RIPOR3: variants seen among roughly 807,000 people sequenced by gnomAD.
The protein encoded by RIPOR3 is RIPOR family member 3.
A neutral mutation model predicts 114.3 loss-of-function variants in RIPOR3; 95 were observed. The observed-to-expected ratio is 0.83, with a 90% CI of 0.70 to 0.99. The LOEUF is 0.99. Ranked by LOEUF, RIPOR3 falls within the 50% of genes least tolerant of loss-of-function variation. The pLI is 0.00. For missense variants in RIPOR3, 1,252 were observed against 1,266.9 expected, an observed-to-expected ratio of 0.99 and a Z score of 0.18; for synonymous variants, 575 against 543.8, an observed-to-expected ratio of 1.06 and a Z score of -0.80.
chr20:50,607,600 C>T (rs970712242), intron 11 of RIPOR3, among the ~76,000 whole-genome samples: 3 of 152,126 alleles, frequency 2.0e-5, no homozygotes, highest in African/African-American at 4.8e-5. Flanking sequence ...CTGAGCTGCC[C>T]GCCACCCTGT....
Position 50,587,044 on chromosome 20 carries a change from T to C in RIPOR3, c.*188A>G. ...ATGCTGTACCTTTGCCTTGCTTTTT[T>C]CTGCCTCTGTACAAAAGACCAGCCC... On this transcript the variant is annotated 3_prime_UTR_variant, in exon 22 of 22. Transcript: ENST00000327979. The C allele has an allele frequency of 1.7e-6, 1 of 585,790 alleles. No individual in the cohort carries two copies. The highest frequency in any genetic ancestry group is 3.0e-6 in the Non-Finnish European group (1 of 328,506). The allele number at this position is 585,790 out of a possible 1,614,324, so 36.3% of individuals were successfully genotyped here. A position where few individuals can be genotyped will look rare whatever the true frequency, so the allele number is the denominator to read the frequency against.
chr20:50,683,077 G>T (rs2086910547), intron 1 of RIPOR3, among the ~76,000 whole-genome samples: 1 of 152,160 alleles, frequency 6.6e-6, no homozygotes, highest in Non-Finnish European at 1.5e-5. Flanking sequence ...AAATGTTCTG[G>T]AAATGGATGG....
chr20:50,615,300 G>A (rs1379425666), intron 4 of RIPOR3, among the ~76,000 whole-genome samples: 3 of 151,928 alleles, frequency 2.0e-5, no homozygotes, highest in African/African-American at 4.8e-5. Context: ...GACACAGGAG[G>A]ATTGCTGGAG....
intron 1 of RIPOR3, among the ~76,000 whole-genome samples, chr20:50,646,281 C>G (rs1014217123): frequency 6.6e-6 from 1 of 152,114 alleles, no homozygotes; most frequent in Admixed American, 6.6e-5. Flanking sequence ...GTGTGTACCA[C>G]CATGCCAGGG....
At chr20:50,630,993 T>C (rs1322517620) in intron 1 of RIPOR3, 137 bp from the exon 2 acceptor site, 6 of 686,052 alleles carry the variant, frequency 8.7e-6, no homozygotes, top group Non-Finnish European at 1.5e-5. Context: ...TGTGCCCAGC[T>C]CACAGGTCAG....
rs763166523 is a variant in RIPOR3 at position 50,602,423 on chromosome 20, G to A, written c.1308C>T (p.Phe436=). The part of the protein sequence containing the change: ...TSDVGFLPLT[F]GPHASIEEEA... ...CCTCTTCAATGGAGGCGTGGGGACC[G>A]AAGGTCAAGGGCAGGAAGCCCACAT... Residue 436 remains phenylalanine, a synonymous_variant, in exon 13 of 22, where the codon TTC becomes TTT. Transcript: ENST00000327979. This position sits in a 1 kb window ranked among gnomAD's most constrained non-coding sequence, Gnocchi z 4.3. 7.5e-6 allele frequency: 12 copies of A among 1,601,540 alleles called. No individual in the cohort carries two copies. The Admixed American group carries it at 1.0e-4, about 14-fold the overall frequency.
intron 3 of RIPOR3, among the ~76,000 whole-genome samples, chr20:50,617,357 A>G (rs979601809): frequency 6.6e-6 from 1 of 152,156 alleles, no homozygotes; most frequent in African/African-American, 2.4e-5. Flanking sequence ...GACAAGTCTC[A>G]AACATGTGGT....
At chr20:50,589,593 G>A in intron 20 of RIPOR3, 93 bp downstream of exon 20, 1 of 1,340,170 alleles carries the variant, frequency 7.5e-7, no homozygotes, top group Non-Finnish European at 1.0e-6. Context: ...ATCACGCCCA[G>A]CCCCAGTGGA....
chr20:50,629,321 G>C (rs148874077), intron 2 of RIPOR3, among the ~76,000 whole-genome samples: 1 of 152,140 alleles, frequency 6.6e-6, no homozygotes, highest in Non-Finnish European at 1.5e-5. Context: ...TGTCCACCCC[G>C]TTGGCTCAGA....
At chr20:50,616,910 A>G (rs1424056323) in intron 3 of RIPOR3, among the ~76,000 whole-genome samples, 1 of 152,190 alleles carries the variant, frequency 6.6e-6, no homozygotes, top group African/African-American at 2.4e-5. Context: ...TGGGAGGCCG[A>G]GGTGGGCGGA....
At chr20:50,623,275 A>AAAG (rs997364440) in intron 2 of RIPOR3, among the ~76,000 whole-genome samples, 1 of 150,908 alleles carries the variant, frequency 6.6e-6, no homozygotes, top group African/African-American at 2.4e-5. Flanking sequence ...AAAAAAAAAA[A>AAAG]AAAAGAAAAA....
chr20:50,639,496 C>T (rs1157293069), intron 1 of RIPOR3, among the ~76,000 whole-genome samples: 2 of 152,108 alleles, frequency 1.3e-5, no homozygotes, highest in Non-Finnish European at 2.9e-5. Context: ...ATTGTACAGA[C>T]CAGGAGGCTG....
At chr20:50,621,583 G>A (rs888670020) in intron 2 of RIPOR3, among the ~76,000 whole-genome samples, 4 of 152,234 alleles carry the variant, frequency 2.6e-5, no homozygotes, top group Non-Finnish European at 5.9e-5. Flanking sequence ...ATTCACAGAA[G>A]GGAGAAGTGT....
chr20:50,609,192 T>G, intron 8 of RIPOR3, 101 bp downstream of exon 8: 1 of 1,453,230 alleles, frequency 6.9e-7, no homozygotes, highest in Non-Finnish European at 9.4e-7. Flanking sequence ...AAGCCAGGGC[T>G]GGGCTCAGAC....
In RIPOR3 at chr20:50,594,713, G is replaced by T; in HGVS notation, c.2052C>A (p.Ile684=). 2 of 1,608,426 alleles carry T rather than the reference G, an allele frequency of 1.2e-6. No homozygotes were observed. The highest frequency in any genetic ancestry group is 2.2e-5 in the South Asian group (2 of 90,870). ...CCTTCGTCCGCGAGGCCTGTGGGAT[G>T]ACTGAAAGCCCCAGTTCAGAAACCT... ...KVGKATSIEE[I]IPQASRTKGC... is the part of the protein sequence containing the mutation. The change falls in exon 17 of 22, where the codon ATC becomes ATA. Residue 684 remains isoleucine (I), a splice_region_variant and synonymous_variant. Coordinates refer to ENST00000327979, the MANE Select transcript of RIPOR3 (RefSeq NM_001290268.2).
intron 11 of RIPOR3, 97 bp from the exon 12 acceptor site, chr20:50,604,871 G>A: frequency 7.0e-7 from 1 of 1,434,002 alleles, no homozygotes; most frequent in Non-Finnish European, 9.5e-7. Flanking sequence ...CAGGTAGATG[G>A]TCTTCATCTT....
chr20:50,590,472 C>T (rs976188707), intron 19 of RIPOR3, among the ~76,000 whole-genome samples: 5 of 152,162 alleles, frequency 3.3e-5, no homozygotes, highest in African/African-American at 1.2e-4. Flanking sequence ...ATGGAGGGGC[C>T]CAGGTGTAGA....
chr20:50,609,491 C>A, intron 7 of RIPOR3, 82 bp downstream of exon 7: 3 of 1,451,582 alleles, frequency 2.1e-6, no homozygotes, highest in Non-Finnish European at 2.7e-6. Flanking sequence ...CTCCAGCCCC[C>A]ACTGGCCCAG....
intron 17 of RIPOR3, among the ~76,000 whole-genome samples, chr20:50,593,619 T>C (rs1189883894): frequency 6.6e-6 from 1 of 151,592 alleles, no homozygotes; most frequent in African/African-American, 2.4e-5. Flanking sequence ...TGTCCCTCAC[T>C]GCATTCCCTG....
Sources: allele counts gnomAD v4.1 joint callset (sites outside exome capture counted in the v4.1 genomes callset), GRCh38; gene constraint gnomAD v4.1.1; non-coding constraint Gnocchi (gnomAD v3.1); transcripts MANE v1.5; gene names NCBI Gene and HGNC (gene_info 2026-07-23, HGNC 2026-07-21).